Variants in FERMT2 observed in about 807,000 individuals in gnomAD.
FERMT2 encodes FERM domain containing kindlin 2.
Under a neutral mutation model 82.7 loss-of-function variants are expected in FERMT2, and 15 were observed. That is an observed-to-expected ratio of 0.18 (90% CI 0.12 to 0.28). FERMT2 has a LOEUF of 0.28. FERMT2 is among the 10% of genes least tolerant of loss of function. FERMT2 has a pLI of 1.00. For synonymous variants in FERMT2, 274 were observed against 271.5 expected (o/e 1.01, Z -0.09); for missense variants, 645 against 809.4 (o/e 0.80, Z 2.46).
intron 2 of FERMT2, among the ~76,000 whole-genome samples, chr14:52,935,740 A>G (rs778021138): frequency 6.6e-6 from 1 of 152,216 alleles, no homozygotes; most frequent in African/African-American, 2.4e-5. Context: ...GAAAAGTGAC[A>G]AATTGCAATT....
intron 3 of FERMT2, among the ~76,000 whole-genome samples, chr14:52,898,490 C>G (rs1887429840): frequency 6.6e-6 from 1 of 152,048 alleles, no homozygotes; most frequent in Non-Finnish European, 1.5e-5. Flanking sequence ...ATTCTTTGAA[C>G]CTAAGATTTA....
intron 2 of FERMT2, among the ~76,000 whole-genome samples, chr14:52,940,865 G>A (rs1184742680): frequency 6.6e-6 from 1 of 152,138 alleles, no homozygotes; most frequent in Non-Finnish European, 1.5e-5. Flanking sequence ...GACAGCAACT[G>A]GAACTCTCAT....
chr14:52,863,860 A>G (rs985695391), intron 12 of FERMT2, among the ~76,000 whole-genome samples: 1 of 152,212 alleles, frequency 6.6e-6, no homozygotes, highest in African/African-American at 2.4e-5. Context: ...TAAATAAATT[A>G]AGGAACACAA....
At chr14:52,904,868 C>CA (rs2139592228) in intron 3 of FERMT2, among the ~76,000 whole-genome samples, 1 of 150,834 alleles carries the variant, frequency 6.6e-6, no homozygotes, top group South Asian at 2.1e-4. Flanking sequence ...GTGATTCGGC[C>CA]AAAAATTATA....
At chr14:52,922,435 G>GA (rs768596420) in intron 2 of FERMT2, among the ~76,000 whole-genome samples, 5 of 151,942 alleles carry the variant, frequency 3.3e-5, no homozygotes, top group Non-Finnish European at 7.4e-5. Flanking sequence ...TGAAAGAGGG[G>GA]GGCCTCCATA....
chr14:52,875,807 A>C (rs1885919098), intron 7 of FERMT2, among the ~76,000 whole-genome samples: 1 of 152,196 alleles, frequency 6.6e-6, no homozygotes, highest in African/African-American at 2.4e-5. Context: ...CCCAGGAGAA[A>C]GTCATCATTA....
intron 7 of FERMT2, among the ~76,000 whole-genome samples, chr14:52,878,125 C>T (rs946134477): frequency 6.6e-6 from 1 of 152,178 alleles, no homozygotes; most frequent in Admixed American, 6.5e-5. Flanking sequence ...TTCCACTAGT[C>T]TCTCTAAATC....
intron 4 of FERMT2, among the ~76,000 whole-genome samples, chr14:52,886,782 CA>C (rs1886636319): frequency 6.6e-6 from 1 of 152,168 alleles, no homozygotes; most frequent in African/African-American, 2.4e-5. Context: ...TCCAAACTTA[CA>C]ACCTCGTTAT....
At chr14:52,899,824 T>G (rs1461030768) in intron 3 of FERMT2, among the ~76,000 whole-genome samples, 1 of 152,192 alleles carries the variant, frequency 6.6e-6, no homozygotes, top group East Asian at 1.9e-4. Flanking sequence ...ACTGTATGCC[T>G]TGTATCAAGA....
chr14:52,932,099 C>CG (rs1325193397), intron 2 of FERMT2, among the ~76,000 whole-genome samples: 1 of 152,086 alleles, frequency 6.6e-6, no homozygotes, highest in Non-Finnish European at 1.5e-5. Flanking sequence ...GATGAGAAAA[C>CG]GGGGGGTGGA....
intron 4 of FERMT2, among the ~76,000 whole-genome samples, chr14:52,890,407 T>G (rs1467677317): frequency 7.6e-6 from 1 of 131,058 alleles, no homozygotes; most frequent in East Asian, 2.3e-4. Context: ...TCGCAGCCAC[T>G]GCACTCCGGC....
intron 2 of FERMT2, among the ~76,000 whole-genome samples, chr14:52,937,788 G>A (rs1889911894): frequency 6.6e-6 from 1 of 152,136 alleles, no homozygotes; most frequent in Non-Finnish European, 1.5e-5. Flanking sequence ...ATGCAGGAAT[G>A]TTTACACATC....
At chr14:52,930,580 A>T (rs1889519046) in intron 2 of FERMT2, among the ~76,000 whole-genome samples, 1 of 152,152 alleles carries the variant, frequency 6.6e-6, no homozygotes, top group Non-Finnish European at 1.5e-5. Context: ...CTTCCTGAGG[A>T]ATATCAAATT....
chr14:52,858,367 G>T lies in FERMT2; in HGVS notation c.*10C>A, dbSNP rs1465588805. On this transcript the variant is annotated 3_prime_UTR_variant, in exon 15 of 15. Coordinates refer to ENST00000341590, the MANE Select transcript of FERMT2 (RefSeq NM_006832.3). The stretch of plus-strand genomic sequence containing the variant: ...TATGGCCGTGGAGTTTCATTAAACA[G>T]TATTCCTATTCACACCCAACCACTG... 2.5e-6 allele frequency: 4 copies of T among 1,608,898 alleles called. No individual in the cohort carries two copies. Among genetic ancestry groups the T allele is most frequent in the Non-Finnish European group, 3.4e-6 (4 of 1,175,300 alleles).
At chr14:52,902,813 G>T (rs866225789) in intron 3 of FERMT2, among the ~76,000 whole-genome samples, 1 of 135,166 alleles carries the variant, frequency 7.4e-6, no homozygotes. Flanking sequence ...AGGCTGCAGT[G>T]AGCTGGGGTC....
intron 2 of FERMT2, among the ~76,000 whole-genome samples, chr14:52,931,287 G>A (rs1032594150): frequency 2.6e-5 from 4 of 152,246 alleles, no homozygotes; most frequent in African/African-American, 7.2e-5. Context: ...ATGTCACAGA[G>A]GCAACCAACA....
At position 52,864,457 on chromosome 14, in the gene FERMT2, T is replaced by C. The variant is rs535966031; in HGVS notation, c.1546A>G (p.Ile516Val). Residue 516 changes from isoleucine to valine, a missense_variant, in exon 12 of 15, where the codon ATA becomes GTA. Ile to Val is a conservative substitution (Grantham distance 29). Transcript: ENST00000341590. Reference sequence around the variant, plus strand: ...GGAGACACCAAACATTCAGGAGTTATATCAGTCGTGATCTGCTCTGGTATT... The same window carrying C: ...GGAGACACCAAACATTCAGGAGTTACATCAGTCGTGATCTGCTCTGGTATT... The part of the protein sequence containing the change: ...QLIPEQITTD[I>V]TPECLVSPRY... The C allele has an allele frequency of 3.1e-6, 5 of 1,614,174 alleles. No homozygotes were observed. In the Admixed American group the frequency reaches 5.0e-5, roughly 16 times the overall value.
chr14:52,919,409 G>A, intron 2 of FERMT2, 53 bp from the exon 3 acceptor site: 1 of 1,359,238 alleles, frequency 7.4e-7, no homozygotes, highest in East Asian at 2.3e-5. Flanking sequence ...AGGTGATTTT[G>A]AGAAATTAAA....
chr14:52,862,373 G>T (rs1241302539), intron 12 of FERMT2, among the ~76,000 whole-genome samples: 1 of 151,738 alleles, frequency 6.6e-6, no homozygotes, highest in Non-Finnish European at 1.5e-5. Context: ...CCAACAATTT[G>T]TAAGTCTATT....
Sources: gnomAD v4.1 joint callset for allele counts (sites outside exome capture counted in the v4.1 genomes callset) on GRCh38, gnomAD v4.1.1 for gene constraint, MANE v1.5 for transcripts, NCBI Gene and HGNC (gene_info 2026-07-23, HGNC 2026-07-21) for gene names.